EPC1: variants seen among roughly 807,000 people sequenced by gnomAD.
EPC1 encodes the protein enhancer of polycomb 1.
Under a neutral mutation model 98.4 loss-of-function variants are expected in EPC1, and 12 were observed. The ratio of observed to expected loss-of-function variants is 0.12; its 90% CI spans 0.08 to 0.20. The LOEUF is 0.20. Ranked by LOEUF, EPC1 falls within the 10% of genes least tolerant of loss-of-function variation. The pLI is 1.00. For missense variants in EPC1, 729 were observed against 990.5 expected (o/e 0.74, Z 3.54); for synonymous variants, 357 against 363.9 (o/e 0.98, Z 0.21).
chr10:32,278,372 T>TTTTTTTTG (rs1491540969), intron 10 of EPC1, among the ~76,000 whole-genome samples: 2 of 8,602 alleles, frequency 2.3e-4, no homozygotes, highest in East Asian at 0.016. Context: ...TTTTTTTTTG[T>TTTTTTTTG]TTTTTTTTTT....
At position 32,287,134 on chromosome 10, in the gene EPC1, A is replaced by G; in HGVS notation, c.1116T>C (p.Tyr372=). 6.2e-7 allele frequency: 1 copy of G among 1,614,224 alleles called. No homozygotes were observed. Among genetic ancestry groups the G allele is most frequent in the Non-Finnish European group, 8.5e-7 (1 of 1,180,044 alleles). Residue 372 remains tyrosine (Y), a synonymous_variant, in exon 7 of 14, where the codon TAT becomes TAC. Coordinates refer to ENST00000319778, the MANE Select transcript of EPC1 (RefSeq NM_001272004.3). The part of the protein sequence containing the change: ...PVFNAKDLNQ[Y]DFPSSDEEPL... The stretch of plus-strand genomic sequence containing the variant: ...GTTCTTCGTCTGAGCTGGGAAAGTC[A>G]TACTGATTCAGATCTTTAGCATTGA...
intron 2 of EPC1, among the ~76,000 whole-genome samples, chr10:32,294,017 A>G (rs1834998463): frequency 6.6e-6 from 1 of 152,350 alleles, no homozygotes; most frequent in Middle Eastern, 3.4e-3. Context: ...CTAGAAGCCT[A>G]TTAAGAACAT....
chr10:32,283,257 A>C (rs1389275764), intron 10 of EPC1: 2 of 152,182 alleles, frequency 1.3e-5, no homozygotes, highest in Admixed American at 1.3e-4. Context: ...GACAAGGATA[A>C]AGACCTTTAT....
At chr10:32,378,690 C>T in exon 1 of EPC1, 1 of 490,828 alleles carries the variant, frequency 2.0e-6, no homozygotes, top group Non-Finnish European at 3.7e-6. Flanking sequence ...GATCTGTGGG[C>T]TTTTGGGGGA....
At chr10:32,347,350 G>A, upstream of EPC1, 3 of 266,248 alleles carry the variant, frequency 1.1e-5, no homozygotes, top group Non-Finnish European at 1.8e-5. Flanking sequence ...GGGTCCGGGG[G>A]CGGACAGGGC....
At chr10:32,283,092 T>G (rs898575199) in intron 10 of EPC1, 2 of 152,202 alleles carry the variant, frequency 1.3e-5, no homozygotes, top group African/African-American at 4.8e-5. Context: ...ATTATTTTTC[T>G]CATGAGCTGA....
At chr10:32,364,536 T>C (rs1839541678) in intron 1 of EPC1, among the ~76,000 whole-genome samples, 1 of 152,232 alleles carries the variant, frequency 6.6e-6, no homozygotes, top group Non-Finnish European at 1.5e-5. Context: ...TTGAATGGTC[T>C]TGATGTTAAT....
chr10:32,316,380 A>T (rs1836548208), intron 1 of EPC1, among the ~76,000 whole-genome samples: 1 of 152,230 alleles, frequency 6.6e-6, no homozygotes, highest in Non-Finnish European at 1.5e-5. Context: ...GAATGTTCAA[A>T]GAGCTTTATT....
intron 1 of EPC1, among the ~76,000 whole-genome samples, chr10:32,363,743 TTCTTCTG>T (rs1839511363): frequency 6.6e-6 from 1 of 152,180 alleles, no homozygotes; most frequent in Non-Finnish European, 1.5e-5. Flanking sequence ...ATAGTTTCCT[TTCTTCTG>T]TCTTAACAGA....
At chr10:32,298,147 A>G (rs73245668) in intron 2 of EPC1, among the ~76,000 whole-genome samples, 4,921 of 152,284 alleles carry the variant, frequency 0.032, 269 homozygotes, top group African/African-American at 0.11. Context: ...CGTGGTATTT[A>G]AAGTCTAGTA....
intron 1 of EPC1, among the ~76,000 whole-genome samples, chr10:32,360,848 C>T (rs140687533): frequency 0.018 from 2,750 of 151,224 alleles, 79 homozygotes; most frequent in African/African-American, 0.06. Context: ...GAGCCGAGAT[C>T]GCGCCACTGC....
chr10:32,319,886 C>T (rs1445870895), intron 1 of EPC1, among the ~76,000 whole-genome samples: 1 of 152,098 alleles, frequency 6.6e-6, no homozygotes, highest in African/African-American at 2.4e-5. Context: ...ACCATTTTGG[C>T]CAGGCTGGTC....
intron 1 of EPC1, among the ~76,000 whole-genome samples, chr10:32,355,900 T>C (rs1232648250): frequency 6.6e-6 from 1 of 152,210 alleles, no homozygotes; most frequent in Non-Finnish European, 1.5e-5. Flanking sequence ...TGTAAGCCAC[T>C]GCACCTGGCC....
chr10:32,367,574 A>G (rs1839636479), intron 1 of EPC1, among the ~76,000 whole-genome samples: 1 of 152,242 alleles, frequency 6.6e-6, no homozygotes, highest in African/African-American at 2.4e-5. Context: ...TTCTTTTTAA[A>G]TGATATATTT....
intron 1 of EPC1, among the ~76,000 whole-genome samples, chr10:32,334,116 G>C (rs191190593): frequency 1.6e-4 from 24 of 152,340 alleles, no homozygotes. Flanking sequence ...TTACACCTAG[G>C]AATTGAGACT....
chr10:32,305,806 T>G lies in EPC1; in HGVS notation c.279A>C (p.Glu93Asp). ...IAYYESIYPG[E>D]FKMPKQLIHI... is the part of the protein sequence containing the mutation. Reference sequence around the variant, plus strand: ...GAATGAGCTGCTTTGGCATCTTAAATTCCCCAGGATATATAGACTCATAGT... The same window carrying G: ...GAATGAGCTGCTTTGGCATCTTAAAGTCCCCAGGATATATAGACTCATAGT... The change falls in exon 2 of 14, where the codon GAA (glutamate) becomes GAC (aspartate). Residue 93 changes from glutamate (E) to aspartate (D), a missense_variant. Glu to Asp is a conservative substitution (Grantham distance 45). Transcript: ENST00000319778. The G allele has an allele frequency of 6.2e-7, 1 of 1,604,286 alleles. No homozygotes were observed. The highest frequency in any genetic ancestry group is 8.5e-7 in the Non-Finnish European group (1 of 1,176,326).
chr10:32,342,532 G>C (rs1244629148), intron 1 of EPC1, among the ~76,000 whole-genome samples: 2 of 152,186 alleles, frequency 1.3e-5, no homozygotes, highest in Admixed American at 6.5e-5. Flanking sequence ...GAAAAGGTGG[G>C]AGTATAAAGA....
Position 32,353,245 on chromosome 10 carries a change from G to A in EPC1, c.3+25246C>T, listed in dbSNP as rs556764007. ...TTGAAGTGAAGTGCGAACTAGAATC[G>A]AAGAAAGAGATGTTTAAGAGGGTTG... On this transcript the variant is annotated intron_variant, in intron 1 of 13. Coordinates refer to the EPC1 transcript ENST00000375110. Among the ~76,000 whole-genome samples, 5 of 152,030 alleles carry A rather than the reference G, an allele frequency of 3.3e-5. No homozygotes were observed. In the East Asian group the frequency reaches 7.7e-4, roughly 23 times the overall value.
intron 1 of EPC1, among the ~76,000 whole-genome samples, chr10:32,337,245 CTGAGGGT>C (rs1164750866): frequency 6.6e-6 from 1 of 152,220 alleles, no homozygotes; most frequent in Non-Finnish European, 1.5e-5. Flanking sequence ...AATAACCCTT[CTGAGGGT>C]TCTACTTGAT....
Sources: gnomAD v4.1 joint callset for allele counts (sites outside exome capture counted in the v4.1 genomes callset) on GRCh38, gnomAD v4.1.1 for gene constraint, MANE v1.5 for transcripts, NCBI Gene and HGNC (gene_info 2026-07-23, HGNC 2026-07-21) for gene names.